The following ARHGEF28 variants were observed in gnomAD, a reference collection of about 807,000 sequenced individuals.
ARHGEF28 encodes Rho guanine nucleotide exchange factor 28.
ARHGEF28 carries 152 observed loss-of-function variants against 206.6 expected under a neutral mutation model. The ratio of observed to expected loss-of-function variants is 0.74; its 90% CI spans 0.64 to 0.84. The LOEUF (loss-of-function observed/expected upper bound fraction) is 0.84. ARHGEF28 is among the 40% of genes least tolerant of loss of function. The probability of loss-of-function intolerance (pLI) is 0.00; values close to 1 mark genes in which losing one functional copy is unlikely to be tolerated. For synonymous variants in ARHGEF28, 763 were observed against 776.4 expected (o/e 0.98, Z 0.29); for missense variants, 2,028 against 2,073.2 (o/e 0.98, Z 0.42).
chr5:73,630,349 C>T (rs966060881), intron 1 of ARHGEF28, among the ~76,000 whole-genome samples: 2 of 152,116 alleles, frequency 1.3e-5, no homozygotes, highest in Non-Finnish European at 2.9e-5. Context: ...GCCAGACTGT[C>T]TGGGTTAAAT....
At chr5:73,690,809 A>G (rs1217469504) in intron 2 of ARHGEF28, among the ~76,000 whole-genome samples, 1 of 152,236 alleles carries the variant, frequency 6.6e-6, no homozygotes, top group East Asian at 1.9e-4. Flanking sequence ...GTTGGTTCCG[A>G]AGATTTTTCC....
At chr5:73,694,186 G>GC (rs1458664844) in intron 2 of ARHGEF28, among the ~76,000 whole-genome samples, 1 of 152,138 alleles carries the variant, frequency 6.6e-6, no homozygotes, top group Non-Finnish European at 1.5e-5. Flanking sequence ...ACTTTATGGT[G>GC]CCCCCTCCTA....
chr5:73,858,218 T>C lies in ARHGEF28; in HGVS notation c.2046T>C (p.Ser682=), dbSNP rs1475618597. 2.5e-6 allele frequency: 4 copies of C among 1,584,564 alleles called. No homozygotes were observed. In the African/African-American group the frequency reaches 4.1e-5, roughly 16 times the overall value. Residue 682 remains serine (S), a splice_region_variant and synonymous_variant, in exon 16 of 36, where the codon TCT becomes TCC. Coordinates refer to ENST00000513042, the MANE Select transcript of ARHGEF28 (RefSeq NM_001177693.2). ...TGGGGAAAGAGTCACTGCAGTGTTC[T>C]AGTAAGTTCTCAGGTCTATGTGCGC... ...TLLGKESLQC[S]NCNANVHKGC...
chr5:73,808,725 A>G (rs956501316), intron 9 of ARHGEF28, among the ~76,000 whole-genome samples: 1 of 152,114 alleles, frequency 6.6e-6, no homozygotes, highest in African/African-American at 2.4e-5. Context: ...TGGATATTTT[A>G]TGACTTTCCA....
chr5:73,668,181 C>G (rs1443127173), intron 1 of ARHGEF28, among the ~76,000 whole-genome samples: 1 of 152,180 alleles, frequency 6.6e-6, no homozygotes, highest in East Asian at 1.9e-4. Context: ...CCACCCATTA[C>G]CTAGTTTCAA....
intron 2 of ARHGEF28, among the ~76,000 whole-genome samples, chr5:73,688,261 G>T: frequency 6.6e-6 from 1 of 152,138 alleles, no homozygotes; most frequent in East Asian, 1.9e-4. Flanking sequence ...GAAAAAAATT[G>T]ATTGAAATTA....
chr5:73,907,485 G>T (rs140825451), intron 33 of ARHGEF28, among the ~76,000 whole-genome samples: 2 of 152,274 alleles, frequency 1.3e-5, no homozygotes, highest in African/African-American at 4.8e-5. Context: ...TGGCACAGTC[G>T]TCTTTTTTGA....
intron 26 of ARHGEF28, among the ~76,000 whole-genome samples, chr5:73,890,807 T>C (rs1056812901): frequency 1.3e-5 from 2 of 152,194 alleles, no homozygotes; most frequent in African/African-American, 2.4e-5. Context: ...TAAACACTGG[T>C]GGAAGCCACA....
chr5:73,696,821 G>A (rs527517272), intron 2 of ARHGEF28, among the ~76,000 whole-genome samples: 13 of 152,126 alleles, frequency 8.5e-5, no homozygotes, highest in Admixed American at 3.3e-4. Flanking sequence ...AATAAACAGC[G>A]GTTGAGGCTC....
At chr5:73,725,335 T>C (rs962943463) in intron 2 of ARHGEF28, among the ~76,000 whole-genome samples, 18 of 152,354 alleles carry the variant, frequency 1.2e-4, no homozygotes, top group African/African-American at 4.3e-4. Flanking sequence ...TCCTCTATTA[T>C]ATGAATTCAT....
In ARHGEF28 at chr5:73,752,764, AGGGTAAT is replaced by A. The variant is rs1752082950; in HGVS notation, c.182-141_182-135del. 5.9e-6 allele frequency: 5 copies of A among 852,582 alleles called. No individual in the cohort carries two copies. The East Asian group carries it at 1.1e-4, about 18-fold the overall frequency. The allele number at this position is 852,582 out of a possible 1,614,324, so 52.8% of individuals were successfully genotyped here. On this transcript the variant is annotated intron_variant, in intron 3 of 35. Coordinates refer to ENST00000513042, the MANE Select transcript of ARHGEF28 (RefSeq NM_001177693.2). ...TGGCCCACATGCTTGGCAGTGTGTA[AGGGTAAT>A]GGGCTGGCTTTCCTTTCTGCTTTGT...
At chr5:73,764,512 T>G (rs1201056521) in intron 4 of ARHGEF28, among the ~76,000 whole-genome samples, 1 of 152,206 alleles carries the variant, frequency 6.6e-6, no homozygotes, top group Non-Finnish European at 1.5e-5. Flanking sequence ...ACTATGTGAA[T>G]TTTCTGGAAT....
chr5:73,861,108 A>G (rs1759369117), intron 16 of ARHGEF28, among the ~76,000 whole-genome samples: 1 of 152,206 alleles, frequency 6.6e-6, no homozygotes, highest in Non-Finnish European at 1.5e-5. Flanking sequence ...AGTTTTAACT[A>G]TTAAAAGAAA....
At chr5:73,663,234 G>A (rs1745728536) in intron 1 of ARHGEF28, among the ~76,000 whole-genome samples, 2 of 152,206 alleles carry the variant, frequency 1.3e-5, no homozygotes, top group South Asian at 4.1e-4. Context: ...GGGATTACAA[G>A]CATGAGCTAC....
intron 20 of ARHGEF28, 133 bp downstream of exon 20, chr5:73,868,360 G>T (rs1047232829): frequency 4.3e-6 from 5 of 1,165,554 alleles, no homozygotes; most frequent in Non-Finnish European, 5.8e-6. Context: ...TGTCTCTTTG[G>T]TATAGGTTCT....
At chr5:73,669,976 G>T (rs536103886) in intron 1 of ARHGEF28, among the ~76,000 whole-genome samples, 1 of 152,130 alleles carries the variant, frequency 6.6e-6, no homozygotes, top group African/African-American at 2.4e-5. Context: ...TGTGAGCCAC[G>T]GTGCTAGGCC....
intron 2 of ARHGEF28, among the ~76,000 whole-genome samples, chr5:73,714,403 CACGTGGT>C (rs1413882133): frequency 1.3e-5 from 2 of 152,148 alleles, no homozygotes; most frequent in African/African-American, 4.8e-5. Context: ...TGGAACTGAT[CACGTGGT>C]CCATCCCCGG....
chr5:73,651,160 C>T (rs1349756188), intron 1 of ARHGEF28, among the ~76,000 whole-genome samples: 1 of 152,144 alleles, frequency 6.6e-6, no homozygotes, highest in African/African-American at 2.4e-5. Context: ...TTTGGTTGAG[C>T]CTAAGAAGAA....
At chr5:73,831,690 G>A (rs530463922) in intron 9 of ARHGEF28, among the ~76,000 whole-genome samples, 2 of 152,256 alleles carry the variant, frequency 1.3e-5, no homozygotes, top group South Asian at 4.1e-4. Flanking sequence ...GAAATGTATA[G>A]TTTTTGTTTG....
Sources: gnomAD v4.1 joint callset for allele counts (sites outside exome capture counted in the v4.1 genomes callset) on GRCh38, gnomAD v4.1.1 for gene constraint, MANE v1.5 for transcripts, NCBI Gene and HGNC (gene_info 2026-07-23, HGNC 2026-07-21) for gene names.